The following HCN1 variants were observed in gnomAD, a reference collection of about 807,000 sequenced individuals.
The protein encoded by HCN1 is hyperpolarization activated cyclic nucleotide gated potassium channel 1.
In HCN1, 13 loss-of-function variants were observed where a neutral mutation model predicts 78.9. The ratio of observed to expected loss-of-function variants is 0.16; its 90% CI spans 0.11 to 0.26. The LOEUF (loss-of-function observed/expected upper bound fraction) is 0.26, where lower values mean the gene tolerates loss of function less well. Ranked by LOEUF, HCN1 falls within the 10% of genes least tolerant of loss-of-function variation. The pLI, the probability that HCN1 is intolerant of heterozygous loss-of-function variation, is 1.00. For synonymous variants in HCN1, 552 were observed against 455.5 expected (o/e 1.21, Z -2.70); for missense variants, 810 against 1,154.3 (o/e 0.70, Z 4.32).
intron 6 of HCN1, among the ~76,000 whole-genome samples, chr5:45,299,738 G>A (rs1262389075): frequency 6.6e-6 from 1 of 151,798 alleles, no homozygotes; most frequent in Non-Finnish European, 1.5e-5. Context: ...TCAAATAACA[G>A]GTAATGCCTA....
At chr5:45,676,070 T>C (rs1007904132) in intron 1 of HCN1, among the ~76,000 whole-genome samples, 1 of 151,808 alleles carries the variant, frequency 6.6e-6, no homozygotes, top group Non-Finnish European at 1.5e-5. Flanking sequence ...TTATAAAGGA[T>C]GTGAGTGCAT....
chr5:45,494,498 T>A (rs1741977153), intron 2 of HCN1, among the ~76,000 whole-genome samples: 1 of 151,832 alleles, frequency 6.6e-6, no homozygotes, highest in South Asian at 2.1e-4. Flanking sequence ...TTCTGGATAT[T>A]AGCCCTTTGA....
At chr5:45,572,819 T>C (rs539747271) in intron 2 of HCN1, among the ~76,000 whole-genome samples, 2 of 152,230 alleles carry the variant, frequency 1.3e-5, no homozygotes, top group East Asian at 1.9e-4. Flanking sequence ...AGGGACTTTG[T>C]AGTGTTGTGA....
At position 45,438,061 on chromosome 5, in the gene HCN1, C is replaced by A. The variant is rs548005318; in HGVS notation, c.1011+23785G>T. Among the ~76,000 whole-genome samples the A allele has an allele frequency of 5.3e-5, 8 of 152,290 alleles. No individual in the cohort carries two copies. The East Asian group carries it at 1.5e-3, about 29-fold the overall frequency. ...GAAGGTGACCTAATCTCATAAGTGA[C>A]ATATCATAACTTCTAACATATTTTA... On this transcript the variant is annotated intron_variant, in intron 3 of 7. Transcript: ENST00000303230.
At chr5:45,583,475 A>G (rs990285463) in intron 2 of HCN1, among the ~76,000 whole-genome samples, 28 of 152,186 alleles carry the variant, frequency 1.8e-4, no homozygotes, top group Non-Finnish European at 7.3e-5. Context: ...TCAAAAAACC[A>G]GCTTCTGGAT....
intron 5 of HCN1, among the ~76,000 whole-genome samples, chr5:45,313,654 G>C (rs779887685): frequency 7.9e-5 from 12 of 152,182 alleles, no homozygotes. Context: ...AGAACAACCA[G>C]TGTAGAGAAG....
At chr5:45,671,360 T>A (rs1272235157) in intron 1 of HCN1, among the ~76,000 whole-genome samples, 1 of 151,468 alleles carries the variant, frequency 6.6e-6, no homozygotes, top group Non-Finnish European at 1.5e-5. Flanking sequence ...ATGTTCAGTA[T>A]GCATTAGATT....
At chr5:45,689,046 A>C (rs780651459) in intron 1 of HCN1, among the ~76,000 whole-genome samples, 2 of 152,010 alleles carry the variant, frequency 1.3e-5, no homozygotes, top group Non-Finnish European at 2.9e-5. Flanking sequence ...AGGATGACAA[A>C]ATATTCTAAA....
At chr5:45,389,929 T>C (rs939877550) in intron 4 of HCN1, among the ~76,000 whole-genome samples, 1 of 152,310 alleles carries the variant, frequency 6.6e-6, no homozygotes, top group African/African-American at 2.4e-5. Context: ...CCTTTAATAA[T>C]GTACAATCTC....
intron 2 of HCN1, among the ~76,000 whole-genome samples, chr5:45,545,551 G>C (rs1743198955): frequency 6.6e-6 from 1 of 151,984 alleles, no homozygotes; most frequent in Non-Finnish European, 1.5e-5. Context: ...GTATTGCCTA[G>C]GTTTTCTTCT....
intron 2 of HCN1, among the ~76,000 whole-genome samples, chr5:45,640,782 C>T (rs937240190): frequency 3.3e-5 from 5 of 151,038 alleles, no homozygotes; most frequent in Non-Finnish European, 5.9e-5. Context: ...ACCATGTTGG[C>T]CAGGCTGGTC....
At chr5:45,441,812 AAT>A (rs1278365170) in intron 3 of HCN1, among the ~76,000 whole-genome samples, 1 of 152,174 alleles carries the variant, frequency 6.6e-6, no homozygotes, top group African/African-American at 2.4e-5. Flanking sequence ...TGGAGTGCTC[AAT>A]ATATGTTTCT....
intron 1 of HCN1, among the ~76,000 whole-genome samples, chr5:45,668,267 T>C (rs1746088433): frequency 6.6e-6 from 1 of 151,906 alleles, no homozygotes; most frequent in African/African-American, 2.4e-5. Flanking sequence ...AATCCCCGTG[T>C]GTGGAAGGAG....
chr5:45,323,553 TTC>T (rs1173723569), intron 5 of HCN1, among the ~76,000 whole-genome samples: 4 of 152,054 alleles, frequency 2.6e-5, no homozygotes, highest in South Asian at 2.1e-4. Context: ...AGTAAAATTT[TTC>T]TTTTTTTTCA....
At chr5:45,277,135 T>C (rs188458825) in intron 6 of HCN1, among the ~76,000 whole-genome samples, 3 of 152,212 alleles carry the variant, frequency 2.0e-5, no homozygotes, top group Admixed American at 2.0e-4. Context: ...TTACATGGAA[T>C]AGAGTGGAGA....
At chr5:45,299,801 T>C (rs1230228820) in intron 6 of HCN1, among the ~76,000 whole-genome samples, 1 of 152,038 alleles carries the variant, frequency 6.6e-6, no homozygotes, top group Non-Finnish European at 1.5e-5. Context: ...AGTTTTATTA[T>C]TCTTTCTAAG....
chr5:45,326,259 G>A (rs1746231887), intron 5 of HCN1, among the ~76,000 whole-genome samples: 1 of 151,550 alleles, frequency 6.6e-6, no homozygotes, highest in Non-Finnish European at 1.5e-5. Context: ...AACTGAAAAT[G>A]TATATCTTTA....
At chr5:45,350,841 G>A (rs1254622307) in intron 5 of HCN1, among the ~76,000 whole-genome samples, 2 of 152,118 alleles carry the variant, frequency 1.3e-5, no homozygotes, top group Non-Finnish European at 2.9e-5. Flanking sequence ...CCTCTTCAAG[G>A]AGAACTACAA....
Position 45,512,809 on chromosome 5 carries a change from TAAAGTA to T in HCN1, c.850-50808_850-50803del, listed in dbSNP as rs1242058049. On this transcript the variant is annotated intron_variant, in intron 2 of 7. Transcript: ENST00000303230. Reference sequence around the variant, plus strand: ...GAAATACTACCCAGTTGTACCAACTTAAAGTAAAGCAAGCTTGATTTACCAAAATAT... The same window carrying T: ...GAAATACTACCCAGTTGTACCAACTTAAGCAAGCTTGATTTACCAAAATAT... Among the ~76,000 whole-genome samples, 3 of 152,150 alleles carry T rather than the reference TAAAGTA, an allele frequency of 2.0e-5. No homozygotes were observed. The East Asian group carries it at 5.8e-4, about 29-fold the overall frequency.
Sources: allele counts gnomAD v4.1 joint callset (sites outside exome capture counted in the v4.1 genomes callset), GRCh38; gene constraint gnomAD v4.1.1; transcripts MANE v1.5; gene names NCBI Gene and HGNC (gene_info 2026-07-23, HGNC 2026-07-21).